OCA2: variants seen among roughly 807,000 people sequenced by gnomAD.
OCA2 encodes the protein P protein.
OCA2 carries 77 observed loss-of-function variants against 100.2 expected under a neutral mutation model. The observed-to-expected ratio is 0.77, with a 90% confidence interval of 0.64 to 0.93. The LOEUF (loss-of-function observed/expected upper bound fraction) is 0.93, where lower values mean the gene tolerates loss of function less well. Ranked by LOEUF, OCA2 falls within the 40% of genes least tolerant of loss-of-function variation. The pLI, the probability that OCA2 is intolerant of heterozygous loss-of-function variation, is 0.00. For missense variants in OCA2, 1,062 were observed against 1,089.1 expected, an observed-to-expected ratio of 0.98 and a Z score of 0.35; for synonymous variants, 432 against 439.2, an observed-to-expected ratio of 0.98 and a Z score of 0.21.
intron 18 of OCA2, among the ~76,000 whole-genome samples, chr15:27,926,491 AC>A (rs2039048127): frequency 6.6e-6 from 1 of 152,074 alleles, no homozygotes; most frequent in African/African-American, 2.4e-5. Context: ...ATGTTCTTGT[AC>A]CTCCTCTAGC....
At chr15:27,817,744 G>C (rs543106402) in intron 23 of OCA2, among the ~76,000 whole-genome samples, 38 of 152,250 alleles carry the variant, frequency 2.5e-4, no homozygotes, top group African/African-American at 8.9e-4. Flanking sequence ...CAGTGGAGTG[G>C]ATCTGTTACT....
chr15:27,742,220 C>T, the OCA2 span, among the ~76,000 whole-genome samples: 1 of 152,088 alleles, frequency 6.6e-6, no homozygotes, highest in Non-Finnish European at 1.5e-5. Context: ...GGTGGAAGGG[C>T]GGTGAGAGTG....
At chr15:27,891,023 C>CAAAAA (rs578093435) in intron 19 of OCA2, among the ~76,000 whole-genome samples, 2 of 118,006 alleles carry the variant, frequency 1.7e-5, no homozygotes, top group African/African-American at 6.3e-5. Flanking sequence ...GACTCCATCT[C>CAAAAA]AAAAAAAAAA....
At chr15:27,880,624 T>G (rs922706486) in intron 19 of OCA2, among the ~76,000 whole-genome samples, 40 of 152,206 alleles carry the variant, frequency 2.6e-4, no homozygotes, top group Admixed American at 2.6e-3. Flanking sequence ...GTAGCAATTG[T>G]GAATGGGAGT....
At chr15:27,950,515 C>T in intron 18 of OCA2, 1 of 518,314 alleles carries the variant, frequency 1.9e-6, no homozygotes, top group African/African-American at 1.9e-5. Flanking sequence ...CAGATCAGCT[C>T]TCAGGTGTGG....
chr15:27,930,058 C>T (rs1204027325), intron 18 of OCA2, among the ~76,000 whole-genome samples: 1 of 152,048 alleles, frequency 6.6e-6, no homozygotes, highest in Non-Finnish European at 1.5e-5. Flanking sequence ...ATGGTTCAAC[C>T]ATTCCGGAAA....
At chr15:27,879,243 T>A (rs913785745) in intron 19 of OCA2, among the ~76,000 whole-genome samples, 3 of 152,220 alleles carry the variant, frequency 2.0e-5, no homozygotes, top group Non-Finnish European at 4.4e-5. Context: ...ATTTTCTTTA[T>A]CCAGGCTATC....
chr15:28,070,618 A>G (rs2044226297), intron 2 of OCA2, among the ~76,000 whole-genome samples: 2 of 146,534 alleles, frequency 1.4e-5, no homozygotes, highest in East Asian at 2.1e-4. Context: ...CCTACTGGGA[A>G]GTGAGGAGCC....
intron 9 of OCA2, among the ~76,000 whole-genome samples, chr15:27,994,573 C>T (rs959722879): frequency 3.9e-5 from 6 of 152,186 alleles, no homozygotes; most frequent in African/African-American, 1.4e-4. Flanking sequence ...CTGGTCGAGC[C>T]GACACTCTGT....
intron 1 of OCA2, among the ~76,000 whole-genome samples, chr15:28,092,943 C>G (rs2141965388): frequency 6.6e-6 from 1 of 151,946 alleles, no homozygotes; most frequent in Admixed American, 6.6e-5. Context: ...GAAGACAAGG[C>G]AAGAATGTTC....
intron 23 of OCA2, among the ~76,000 whole-genome samples, chr15:27,798,795 G>A (rs1431410080): frequency 6.6e-6 from 1 of 152,182 alleles, no homozygotes; most frequent in Non-Finnish European, 1.5e-5. Context: ...TACATTTTGT[G>A]CCCTTCTTTA....
intron 14 of OCA2, among the ~76,000 whole-genome samples, chr15:27,972,959 T>C (rs1441001458): frequency 6.6e-6 from 1 of 151,512 alleles, no homozygotes; most frequent in East Asian, 1.9e-4. Flanking sequence ...TCTGCCTCCC[T>C]GGTTCAAGTG....
At chr15:27,941,825 T>A (rs2039658447) in intron 18 of OCA2, among the ~76,000 whole-genome samples, 2 of 152,142 alleles carry the variant, frequency 1.3e-5, no homozygotes. Flanking sequence ...ACAGCTGAAA[T>A]TTCCAAACAG....
chr15:28,013,617 G>A (rs2042300901), intron 9 of OCA2, among the ~76,000 whole-genome samples: 1 of 152,100 alleles, frequency 6.6e-6, no homozygotes, highest in Non-Finnish European at 1.5e-5. Context: ...ACCGCATATG[G>A]CTGCCTCTGG....
chr15:27,836,633 ACTG>A (rs2035163081), intron 23 of OCA2, among the ~76,000 whole-genome samples: 1 of 152,164 alleles, frequency 6.6e-6, no homozygotes, highest in African/African-American at 2.4e-5. Flanking sequence ...TACATTAGCA[ACTG>A]TTTTGACCTT....
chr15:28,047,743 C>T (rs1300622698), intron 2 of OCA2, among the ~76,000 whole-genome samples: 1 of 152,124 alleles, frequency 6.6e-6, no homozygotes, highest in East Asian at 1.9e-4. Flanking sequence ...GCTAATTCAC[C>T]ATTGTACTTG....
intron 18 of OCA2, among the ~76,000 whole-genome samples, chr15:27,946,186 A>G (rs1191976329): frequency 1.3e-5 from 2 of 152,182 alleles, no homozygotes; most frequent in Non-Finnish European, 2.9e-5. Context: ...CACATAAAAA[A>G]ATCTGAATTT....
chr15:27,762,496 T>C (rs2030921833), intron 23 of OCA2, among the ~76,000 whole-genome samples: 1 of 152,316 alleles, frequency 6.6e-6, no homozygotes, highest in Middle Eastern at 3.4e-3. Context: ...TAATGAGCCA[T>C]CTTTAACCCA....
chr15:27,772,862 A>G (rs1294980380), intron 23 of OCA2, among the ~76,000 whole-genome samples: 1 of 151,868 alleles, frequency 6.6e-6, no homozygotes, highest in Non-Finnish European at 1.5e-5. Flanking sequence ...AAAGGAAAAA[A>G]AGAAAATGGA....
Sources: allele counts gnomAD v4.1 joint callset (sites outside exome capture counted in the v4.1 genomes callset), GRCh38; gene constraint gnomAD v4.1.1; transcripts MANE v1.5; gene names NCBI Gene and HGNC (gene_info 2026-07-23, HGNC 2026-07-21).